CERS4: variants seen among roughly 807,000 people sequenced by gnomAD.
CERS4 encodes the protein ceramide synthase 4.
Under a neutral mutation model 51.8 loss-of-function variants are expected in CERS4, and 65 were observed. That is an observed-to-expected ratio of 1.26 (90% CI 1.03 to 1.54). The LOEUF (loss-of-function observed/expected upper bound fraction) is 1.54, where lower values mean the gene tolerates loss of function less well. CERS4 is among the 40% of genes most tolerant of loss of function. The pLI, the probability that CERS4 is intolerant of heterozygous loss-of-function variation, is 0.00. For synonymous variants in CERS4, 228 were observed against 208.4 expected, an observed-to-expected ratio of 1.09 and a Z score of -0.81; for missense variants, 563 against 500.4, an observed-to-expected ratio of 1.13 and a Z score of -1.19.
At chr19:8,230,319 A>G (rs1568508308) in intron 2 of CERS4, among the ~76,000 whole-genome samples, 1 of 151,818 alleles carries the variant, frequency 6.6e-6, no homozygotes, top group Non-Finnish European at 1.5e-5. Flanking sequence ...CCTCCCGAGT[A>G]GCTGGGATTA....
intron 2 of CERS4, among the ~76,000 whole-genome samples, chr19:8,228,789 C>G (rs1314845008): frequency 6.6e-6 from 1 of 150,524 alleles, no homozygotes; most frequent in Non-Finnish European, 1.5e-5. Context: ...TTTGGGAAGC[C>G]AAGGTGAGAG....
At chr19:8,256,059 A>C in intron 6 of CERS4, 177 bp from the exon 7 acceptor site, 2 of 945,690 alleles carry the variant, frequency 2.1e-6, no homozygotes, top group Non-Finnish European at 3.2e-6. Context: ...ACTATGCACC[A>C]AAAGTTGGGG....
At position 8,251,174 on chromosome 19, in the gene CERS4, A is replaced by AC; in HGVS notation, c.103dup (p.His35ProfsTer23). The AC allele has an allele frequency of 6.2e-7, 1 of 1,612,692 alleles. No individual in the cohort carries two copies. The highest frequency in any genetic ancestry group is 1.1e-5 in the South Asian group (1 of 90,760). On this transcript the variant is annotated frameshift_variant, in exon 3 of 12. Coordinates refer to ENST00000251363, the MANE Select transcript of CERS4 (RefSeq NM_024552.3). LOFTEE classifies it high-confidence loss of function. ...CTAGAAGACCGGGATGGCCGTGTCT[A>AC]CCCCCACCCCCAGGACTTGTTGGCA...
At chr19:8,255,566 C>T in intron 4 of CERS4, 41 bp from the exon 5 acceptor site, 2 of 1,556,792 alleles carry the variant, frequency 1.3e-6, no homozygotes, top group Non-Finnish European at 1.7e-6. Context: ...GAAGCCACCA[C>T]AGGGCCTCTG....
chr19:8,255,131 C>T (rs902158350), intron 4 of CERS4, among the ~76,000 whole-genome samples: 6 of 152,204 alleles, frequency 3.9e-5, no homozygotes, highest in South Asian at 2.1e-4. Context: ...GGCGTGGCTG[C>T]GTCCTGAGTG....
At chr19:8,211,422 C>A (rs1599497606) in intron 2 of CERS4, among the ~76,000 whole-genome samples, 1 of 152,318 alleles carries the variant, frequency 6.6e-6, no homozygotes, top group Non-Finnish European at 1.5e-5. Context: ...GAGTTGAGGG[C>A]CTCCGGGCTA....
Position 8,221,872 on chromosome 19 carries a change from G to GTTTTTTTTTTTTTTTTTTTT in CERS4, c.-2+11018_-2+11037dup, listed in dbSNP as rs71165297. ...CTTACTGACTTATTTATTTTTTTAT[G>GTTTTTTTTTTTTTTTTTTTT]TTTTTTTTTTTTTTTTTTTTTTTTT... On this transcript the variant is annotated intron_variant, in intron 2 of 11. Coordinates refer to ENST00000251363, the MANE Select transcript of CERS4 (RefSeq NM_024552.3). Among the ~76,000 whole-genome samples, 3 of 39,468 alleles carry GTTTTTTTTTTTTTTTTTTTT rather than the reference G, an allele frequency of 7.6e-5. 1 individual carries two copies. Among genetic ancestry groups the GTTTTTTTTTTTTTTTTTTTT allele is most frequent in the Non-Finnish European group, 1.4e-4 (3 of 21,060 alleles). The allele number at this position is 39,468 out of a possible 152,430, so 25.9% of individuals were successfully genotyped here. A position where few individuals can be genotyped will look rare whatever the true frequency, so the allele number is the denominator to read the frequency against.
intron 2 of CERS4, chr19:8,240,585 A>AGTGTGT (rs5742074): frequency 0.072 from 10,252 of 142,080 alleles, 425 homozygotes; most frequent in Middle Eastern, 0.099. Flanking sequence ...AATGTATGCA[A>AGTGTGT]GTGTGTGTGT....
intron 2 of CERS4, among the ~76,000 whole-genome samples, chr19:8,235,447 A>G (rs1283433532): frequency 6.7e-6 from 1 of 149,892 alleles, no homozygotes; most frequent in Non-Finnish European, 1.5e-5. Context: ...CTGTTTTAAA[A>G]CTTCTAGTTC....
intron 3 of CERS4, among the ~76,000 whole-genome samples, chr19:8,251,475 A>G (rs1196768651): frequency 6.6e-6 from 1 of 152,214 alleles, no homozygotes; most frequent in African/African-American, 2.4e-5. Context: ...GGAACACTGC[A>G]CTGCCTGCAG....
In CERS4 at chr19:8,241,094, C is replaced by T. The variant is rs562608372; in HGVS notation, c.-1-9982C>T. ...CTGCAGATGACCCTGAAGCTGCTGT[C>T]GTCCAGCCCAGCCCAAACACTTCAG... On this transcript the variant is annotated intron_variant, in intron 2 of 11. Coordinates refer to ENST00000251363, the MANE Select transcript of CERS4 (RefSeq NM_024552.3). Among the ~76,000 whole-genome samples the T allele has an allele frequency of 1.6e-4, 24 of 152,180 alleles. 1 individual carries two copies. The South Asian group carries it at 3.1e-3, about 20-fold the overall frequency.
intron 10 of CERS4, among the ~76,000 whole-genome samples, chr19:8,260,084 G>A (rs1391897583): frequency 2.0e-5 from 3 of 152,084 alleles, no homozygotes; most frequent in Non-Finnish European, 4.4e-5. Flanking sequence ...GAGGGCTGCT[G>A]GCAACCTGTT....
At position 8,210,128 on chromosome 19, in the gene CERS4, C is replaced by T. The variant is rs1283899717; in HGVS notation, c.-158-578C>T. ...GAGAGGTTGGCCGGGGCCTGGGAAG[C>T]GGCGAGGAGAGTGTGGAACCCGTTC... On this transcript the variant is annotated intron_variant, in intron 1 of 11. Transcript: ENST00000251363. This position sits in a 1 kb window ranked among gnomAD's most constrained non-coding sequence, Gnocchi z 4.2. 2.0e-5 allele frequency among the ~76,000 whole-genome samples: 3 copies of T among 151,464 alleles called. No homozygotes were observed.
intron 2 of CERS4, among the ~76,000 whole-genome samples, chr19:8,219,227 T>C (rs1294386147): frequency 6.6e-6 from 1 of 151,906 alleles, no homozygotes; most frequent in African/African-American, 2.4e-5. Flanking sequence ...AGGTGGTGAC[T>C]TGATTTCACA....
At chr19:8,251,350 G>C in intron 3 of CERS4, 101 bp downstream of exon 3, 1 of 1,453,752 alleles carries the variant, frequency 6.9e-7, no homozygotes, top group Non-Finnish European at 9.0e-7. Context: ...CCGAGTAGAA[G>C]CTGGCTTTGC....
chr19:8,237,107 C>A (rs1968302846), intron 2 of CERS4, among the ~76,000 whole-genome samples: 1 of 151,562 alleles, frequency 6.6e-6, no homozygotes, highest in African/African-American at 2.4e-5. Context: ...CAGTTATCTG[C>A]CCCAGGAACA....
At chr19:8,248,693 AGATG>A (rs765670066) in intron 2 of CERS4, among the ~76,000 whole-genome samples, 37 of 135,402 alleles carry the variant, frequency 2.7e-4, no homozygotes, top group Admixed American at 1.9e-3. Context: ...ATGGATGGGG[AGATG>A]GATGAATGGG....
intron 2 of CERS4, among the ~76,000 whole-genome samples, chr19:8,241,902 G>A (rs747069932): frequency 7.9e-5 from 12 of 152,106 alleles, no homozygotes; most frequent in Admixed American, 1.3e-4. Context: ...GGATGACAGG[G>A]AACAAACAGA....
At chr19:8,252,498 GCA>G (rs2145300088) in intron 3 of CERS4, among the ~76,000 whole-genome samples, 1 of 150,418 alleles carries the variant, frequency 6.6e-6, no homozygotes, top group South Asian at 2.2e-4. Context: ...GAGTACAGTG[GCA>G]CAATCTCAGT....
Sources: allele counts gnomAD v4.1 joint callset (sites outside exome capture counted in the v4.1 genomes callset), GRCh38; gene constraint gnomAD v4.1.1; non-coding constraint Gnocchi (gnomAD v3.1); transcripts MANE v1.5; gene names NCBI Gene and HGNC (gene_info 2026-07-23, HGNC 2026-07-21).